XRN1: variants seen among roughly 807,000 people sequenced by gnomAD.
XRN1 encodes 5'-3' exoribonuclease 1, also known as strand-exchange protein 1 homolog.
XRN1 carries 67 observed loss-of-function variants against 222.3 expected under a neutral mutation model. That is an observed-to-expected ratio of 0.30 (90% CI 0.25 to 0.37). The LOEUF is 0.37. Ranked by LOEUF, XRN1 falls within the 10% of genes least tolerant of loss-of-function variation. The pLI is 1.00. For missense variants in XRN1, 1,707 were observed against 2,000.2 expected (o/e 0.85, Z 2.80); for synonymous variants, 643 against 652.4 (o/e 0.99, Z 0.22).
At chr3:142,383,601 AT>A (rs1315328925) in intron 21 of XRN1, among the ~76,000 whole-genome samples, 188 bp from the exon 22 acceptor site, 1 of 152,198 alleles carries the variant, frequency 6.6e-6, no homozygotes, top group African/African-American at 2.4e-5. Context: ...TCACACATTT[AT>A]TGAGTTCATT....
intron 32 of XRN1, among the ~76,000 whole-genome samples, chr3:142,347,713 T>A (rs554061018): frequency 1.3e-5 from 2 of 152,054 alleles, no homozygotes; most frequent in South Asian, 4.2e-4. Flanking sequence ...CTCTCATGAC[T>A]CAGCCTTCTG....
At position 142,365,109 on chromosome 3, in the gene XRN1, T is replaced by A. The variant is rs546102109; in HGVS notation, c.3332A>T (p.Asn1111Ile). 12 of 1,613,506 alleles carry A rather than the reference T, an allele frequency of 7.4e-6. No individual in the cohort carries two copies. The East Asian group carries it at 2.5e-4, about 33-fold the overall frequency. Residue 1111 changes from asparagine to isoleucine, a missense_variant, in exon 29 of 41, where the codon AAT becomes ATT. Around this residue, in one of 2 missense-constraint regions of XRN1, gnomAD observed 1,234 missense variants for 1,518.2 expected, o/e 0.81. Transcript: ENST00000392981. The stretch of plus-strand genomic sequence containing the variant: ...TGGAACTGAGAAGTTTTCTCTCACA[T>A]TTACAACACGGTCAAAAAGACAAAA... ...AEFCLFDRVV[N>I]VRENFSVPVG...
At chr3:142,409,807 T>C (rs993513791) in intron 15 of XRN1, among the ~76,000 whole-genome samples, 6 of 152,236 alleles carry the variant, frequency 3.9e-5, no homozygotes, top group African/African-American at 1.2e-4. Context: ...TTCATTTACT[T>C]AGGTTTTCCA....
intron 13 of XRN1, among the ~76,000 whole-genome samples, chr3:142,415,764 G>A (rs1366203832): frequency 6.6e-6 from 1 of 152,188 alleles, no homozygotes; most frequent in African/African-American, 2.4e-5. Context: ...GCTAGATGGA[G>A]CTCTGAAACA....
Position 142,447,972 on chromosome 3 carries a change from G to C in XRN1, c.-28C>G, listed in dbSNP as rs1371201816. ...CGATCGTCAACACTAATCCCAGTCA[G>C]GGCCAAACCGAAACCAAACGCCCCG... On this transcript the variant is annotated 5_prime_UTR_variant, in exon 1 of 41. Transcript: ENST00000392981. This position sits in a 1 kb window ranked among gnomAD's most constrained non-coding sequence, Gnocchi z 4.2. The C allele has an allele frequency of 2.5e-6, 4 of 1,610,802 alleles. No homozygotes were observed. The African/African-American group carries it at 4.0e-5, about 16-fold the overall frequency.
Position 142,306,755 on chromosome 3 carries a change from A to T in XRN1, c.*4756T>A, listed in dbSNP as rs993609456. The T allele has an allele frequency of 1.3e-5, 2 of 152,656 alleles. No individual in the cohort carries two copies. Among genetic ancestry groups the T allele is most frequent in the African/African-American group, 4.8e-5 (2 of 41,462 alleles). 9.5% of individuals were successfully genotyped at this position (152,656 alleles called of 1,614,324 possible). A position where few individuals can be genotyped will look rare whatever the true frequency, so the allele number is the denominator to read the frequency against. ...CATGCTAGAAATCTACGGATAACGT[A>T]ACACCACAAAAATACATTCGGAGTC... On this transcript the variant is annotated 3_prime_UTR_variant, in exon 41 of 41. Coordinates refer to ENST00000392981, the MANE Select transcript of XRN1 (RefSeq NM_001282857.2).
At chr3:142,394,102 C>T (rs1327287618) in intron 20 of XRN1, among the ~76,000 whole-genome samples, 2 of 152,192 alleles carry the variant, frequency 1.3e-5, no homozygotes, top group African/African-American at 2.4e-5. Context: ...GCTGGGATTA[C>T]AGTCATGAGC....
chr3:142,330,756 TTTAA>T (rs774703867), intron 36 of XRN1, among the ~76,000 whole-genome samples: 2 of 152,280 alleles, frequency 1.3e-5, no homozygotes, highest in East Asian at 3.9e-4. Context: ...TTTTGGAATT[TTTAA>T]TTAATTATCA....
chr3:142,399,238 G>GAAA (rs58300200), intron 19 of XRN1, among the ~76,000 whole-genome samples: 1 of 59,154 alleles, frequency 1.7e-5, no homozygotes, highest in Admixed American at 1.9e-4. Flanking sequence ...AAACAATTCT[G>GAAA]AAAAAAAAAA....
At chr3:142,415,457 C>T (rs2068748249) in intron 13 of XRN1, among the ~76,000 whole-genome samples, 1 of 152,164 alleles carries the variant, frequency 6.6e-6, no homozygotes. Context: ...CCTAACCTTT[C>T]TCAACCTTTC....
chr3:142,318,840 A>G lies in XRN1; in HGVS notation c.4468T>C (p.Ser1490Pro). Residue 1490 changes from serine (S) to proline (P), a missense_variant, in exon 38 of 41, where the codon TCT becomes CCT. By Grantham distance (74) the Ser-to-Pro change is moderately conservative (BLOSUM62 -1). Coordinates refer to ENST00000392981, the MANE Select transcript of XRN1 (RefSeq NM_001282857.2). ...GCTTTCTCTTTGGCTTCATTTTCAG[A>G]GTGGCACTGTGGCCCATGTACCAGT... Reference protein sequence around the residue: ...GLLVHGPQCHSENEAKEKAAL... With the variant: ...GLLVHGPQCHPENEAKEKAAL... The G allele has an allele frequency of 6.2e-7, 1 of 1,614,014 alleles. No individual in the cohort carries two copies. The highest frequency in any genetic ancestry group is 1.1e-5 in the South Asian group (1 of 91,076).
At chr3:142,437,279 C>T (rs1339604148) in intron 1 of XRN1, among the ~76,000 whole-genome samples, 1 of 152,128 alleles carries the variant, frequency 6.6e-6, no homozygotes, top group East Asian at 1.9e-4. Context: ...ATTTAACATC[C>T]AAAATGTTTC....
At chr3:142,313,014 T>G in intron 39 of XRN1, 2 of 1,152,558 alleles carry the variant, frequency 1.7e-6, no homozygotes, top group Non-Finnish European at 2.5e-6. Flanking sequence ...ACTAATATCA[T>G]ATGCTGATAC....
rs1392064561 is a variant in XRN1 at position 142,380,066 on chromosome 3, A to G, written c.2715+16T>C. 1.3e-6 allele frequency: 2 copies of G among 1,596,898 alleles called. No individual in the cohort carries two copies. The highest frequency in any genetic ancestry group is 1.7e-6 in the Non-Finnish European group (2 of 1,171,276). ...TTATCAATTCTAAATGAAACAATACAAACTACTGTACTCACATGCTGGTTC... is the reference window on the plus strand; with the variant it reads ...TTATCAATTCTAAATGAAACAATACGAACTACTGTACTCACATGCTGGTTC... On this transcript the variant is annotated intron_variant, in intron 23 of 40. Coordinates refer to ENST00000392981, the MANE Select transcript of XRN1 (RefSeq NM_001282857.2).
intron 22 of XRN1, among the ~76,000 whole-genome samples, chr3:142,380,425 GGTT>G (rs1349387563): frequency 6.6e-6 from 1 of 151,964 alleles, no homozygotes; most frequent in East Asian, 1.9e-4. Flanking sequence ...TTGCTTTAAT[GGTT>G]GTTAATTTGT....
chr3:142,332,754 A>G (rs562095168), intron 35 of XRN1: 9 of 761,408 alleles, frequency 1.2e-5, no homozygotes, highest in South Asian at 8.4e-5. Flanking sequence ...CCAGTTACCT[A>G]GTAGCAATGT....
chr3:142,432,032 A>G (rs1266990333), intron 2 of XRN1, among the ~76,000 whole-genome samples: 8 of 90,162 alleles, frequency 8.9e-5, no homozygotes, highest in Admixed American at 1.5e-4. Flanking sequence ...AATATATATA[A>G]TCTTTTTGAG....
intron 36 of XRN1, among the ~76,000 whole-genome samples, chr3:142,330,002 T>A (rs1385063152): frequency 2.0e-5 from 3 of 152,206 alleles, no homozygotes. Flanking sequence ...GTGACTTCAG[T>A]AAAGGTTTTT....
In XRN1 at chr3:142,359,915, A is replaced by G; in HGVS notation, c.3411T>C (p.Asp1137=). 1 of 1,604,572 alleles carries G rather than the reference A, an allele frequency of 6.2e-7. No individual in the cohort carries two copies. The highest frequency in any genetic ancestry group is 1.7e-4 in the Middle Eastern group (1 of 6,026). ...CATCAAATAATACTTCAAATAGTAC[A>G]TCGGCTTCTCTATTAGCTGTTACAA... ...IGIKGANREA[D]VLFEVLFDEE... is the part of the protein sequence containing the mutation. The change falls in exon 30 of 41, where the codon GAT becomes GAC. Residue 1137 remains aspartate, a synonymous_variant. Coordinates refer to ENST00000392981, the MANE Select transcript of XRN1 (RefSeq NM_001282857.2).
Sources: allele counts gnomAD v4.1 joint callset (sites outside exome capture counted in the v4.1 genomes callset), GRCh38; gene constraint gnomAD v4.1.1; regional missense constraint gnomAD v4.1.1; non-coding constraint Gnocchi (gnomAD v3.1); transcripts MANE v1.5; gene names NCBI Gene and HGNC (gene_info 2026-07-23, HGNC 2026-07-21).